KCNQ5: variants seen among roughly 807,000 people sequenced by gnomAD.
The protein encoded by KCNQ5 is potassium voltage-gated channel subfamily KQT member 5.
In KCNQ5, 30 loss-of-function variants were observed where a neutral mutation model predicts 98.2. The ratio of observed to expected loss-of-function variants is 0.31; its 90% CI spans 0.23 to 0.41. KCNQ5 has a LOEUF of 0.41. Among genes scored for constraint, KCNQ5 ranks in the 10% least tolerant of loss-of-function variants. The pLI, the probability that KCNQ5 is intolerant of heterozygous loss-of-function variation, is 1.00. For synonymous variants in KCNQ5, 458 were observed against 449.4 expected, an observed-to-expected ratio of 1.02 and a Z score of -0.24; for missense variants, 835 against 1,182.5, an observed-to-expected ratio of 0.71 and a Z score of 4.31.
At chr6:72,818,595 GTTTTA>G (rs1337790873) in intron 1 of KCNQ5, among the ~76,000 whole-genome samples, 1 of 151,338 alleles carries the variant, frequency 6.6e-6, no homozygotes. Context: ...AATTGGAAAT[GTTTTA>G]TTTGATTTAT....
At chr6:72,735,906 A>T (rs897361350) in intron 1 of KCNQ5, among the ~76,000 whole-genome samples, 2 of 152,116 alleles carry the variant, frequency 1.3e-5, no homozygotes, top group African/African-American at 4.8e-5. Flanking sequence ...AGACAATATT[A>T]TTTTTATCTT....
chr6:73,073,118 C>A (rs1369766848), intron 3 of KCNQ5, among the ~76,000 whole-genome samples: 7 of 152,172 alleles, frequency 4.6e-5, no homozygotes, highest in Non-Finnish European at 7.3e-5. Flanking sequence ...ATAGCCTCCC[C>A]CTTTCTGTTC....
At chr6:72,877,599 T>A (rs1388064025) in intron 1 of KCNQ5, among the ~76,000 whole-genome samples, 1 of 152,228 alleles carries the variant, frequency 6.6e-6, no homozygotes, top group Non-Finnish European at 1.5e-5. Flanking sequence ...GATTGCTGGG[T>A]CAAATGTTAT....
At chr6:72,811,732 C>T (rs901232229) in intron 1 of KCNQ5, among the ~76,000 whole-genome samples, 2 of 152,084 alleles carry the variant, frequency 1.3e-5, no homozygotes, top group Admixed American at 6.6e-5. Context: ...CTTCTGTTAC[C>T]GGAAAGGGTC....
intron 1 of KCNQ5, among the ~76,000 whole-genome samples, chr6:72,776,001 T>G (rs1212362216): frequency 2.0e-5 from 3 of 152,186 alleles, no homozygotes; most frequent in Non-Finnish European, 4.4e-5. Flanking sequence ...GTATCAATAT[T>G]GGTTCATTAA....
chr6:72,781,559 C>G (rs545994078), intron 1 of KCNQ5, among the ~76,000 whole-genome samples: 51 of 152,186 alleles, frequency 3.4e-4, no homozygotes, highest in Non-Finnish European at 4.3e-4. Flanking sequence ...TATTGCATTT[C>G]ACTGTCATTT....
intron 1 of KCNQ5, among the ~76,000 whole-genome samples, chr6:72,796,717 A>G (rs1167824610): frequency 1.3e-5 from 2 of 152,250 alleles, no homozygotes; most frequent in Non-Finnish European, 2.9e-5. Flanking sequence ...AATGATAGGA[A>G]TCTTTGCTGA....
intron 3 of KCNQ5, among the ~76,000 whole-genome samples, chr6:73,069,120 AT>A (rs1773197503): frequency 6.6e-6 from 1 of 152,160 alleles, no homozygotes; most frequent in Non-Finnish European, 1.5e-5. Flanking sequence ...TTTTTTATAT[AT>A]TAATTAGTCA....
rs141945819 is a variant in KCNQ5, at chr6:73,180,379, T to C, written c.1578-10194T>C. Among the ~76,000 whole-genome samples, 50 of 152,304 alleles carry C rather than the reference T, an allele frequency of 3.3e-4. 1 individual carries two copies. Among genetic ancestry groups the C allele is most frequent in the African/African-American group, 1.2e-3 (50 of 41,568 alleles). On this transcript the variant is annotated intron_variant, in intron 11 of 13. Coordinates refer to ENST00000370398, the MANE Select transcript of KCNQ5 (RefSeq NM_019842.4). ...CCTTCCAAGGTAATCCTTTGAAAAA[T>C]TAATGGAACTTCTTAACTACTTCTT... is the stretch of plus-strand genomic sequence containing the variant.
intron 1 of KCNQ5, among the ~76,000 whole-genome samples, chr6:73,003,549 T>A (rs765149248): frequency 7.2e-5 from 11 of 152,098 alleles, no homozygotes; most frequent in Non-Finnish European, 1.6e-4. Context: ...GCAGTGTGGA[T>A]TCCCCAGATA....
rs1035971618 is a variant in KCNQ5 at position 73,180,562 on chromosome 6, G to A, written c.1578-10011G>A. On this transcript the variant is annotated intron_variant, in intron 11 of 13. Coordinates refer to ENST00000370398, the MANE Select transcript of KCNQ5 (RefSeq NM_019842.4). ...GAATCATGATCACTTCTTTGCATGA[G>A]AGCAGGGATTGTTCCACCCCCAACA... Among the ~76,000 whole-genome samples, 4 of 152,116 alleles carry A rather than the reference G, an allele frequency of 2.6e-5. No homozygotes were observed. In the East Asian group the frequency reaches 7.7e-4, roughly 29 times the overall value.
chr6:73,151,325 T>C (rs943684789), intron 10 of KCNQ5, among the ~76,000 whole-genome samples: 10 of 152,208 alleles, frequency 6.6e-5, no homozygotes, highest in African/African-American at 2.2e-4. Flanking sequence ...TTTCCAATAA[T>C]ATGAGTGTAC....
intron 1 of KCNQ5, among the ~76,000 whole-genome samples, chr6:72,885,889 A>C (rs1309770619): frequency 6.6e-6 from 1 of 152,186 alleles, no homozygotes; most frequent in African/African-American, 2.4e-5. Context: ...AAATTAATCT[A>C]TTTCAACCTT....
chr6:73,070,115 A>T (rs74643782), intron 3 of KCNQ5, among the ~76,000 whole-genome samples: 4,448 of 152,306 alleles, frequency 0.029, 84 homozygotes, highest in African/African-American at 0.06. Context: ...ATTTAATATG[A>T]GGTCTGTATC....
At chr6:72,912,022 A>G (rs920819855) in intron 1 of KCNQ5, among the ~76,000 whole-genome samples, 7 of 152,140 alleles carry the variant, frequency 4.6e-5, no homozygotes, top group African/African-American at 1.4e-4. Flanking sequence ...CTTCAAATAT[A>G]TAAGCGTTCT....
At chr6:72,687,537 A>G (rs544109238) in intron 1 of KCNQ5, among the ~76,000 whole-genome samples, 1 of 152,346 alleles carries the variant, frequency 6.6e-6, no homozygotes, top group African/African-American at 2.4e-5. Flanking sequence ...CAGTGCTCCA[A>G]GAAGTTCAGA....
intron 1 of KCNQ5, among the ~76,000 whole-genome samples, chr6:72,940,601 T>C (rs1766182455): frequency 6.6e-6 from 1 of 152,314 alleles, no homozygotes; most frequent in Non-Finnish European, 1.5e-5. Flanking sequence ...GGCTTTAATG[T>C]GTATGTCCTA....
intron 1 of KCNQ5, among the ~76,000 whole-genome samples, chr6:72,632,219 G>A (rs1214046325): frequency 6.9e-6 from 1 of 144,648 alleles, no homozygotes; most frequent in Non-Finnish European, 1.5e-5. Context: ...CTCACTGCAA[G>A]CTCCGCCTCC....
chr6:72,655,071 T>TC (rs1347652714), intron 1 of KCNQ5, among the ~76,000 whole-genome samples: 2 of 150,216 alleles, frequency 1.3e-5, no homozygotes, highest in Non-Finnish European at 3.0e-5. Context: ...TTTCTTTCTT[T>TC]CTTTCTTTCT....
Sources: gnomAD v4.1 joint callset for allele counts (sites outside exome capture counted in the v4.1 genomes callset) on GRCh38, gnomAD v4.1.1 for gene constraint, MANE v1.5 for transcripts, NCBI Gene and HGNC (gene_info 2026-07-23, HGNC 2026-07-21) for gene names.